STPG2: variants seen among roughly 807,000 people sequenced by gnomAD.
STPG2 encodes the protein sperm-tail PG-rich repeat-containing protein 2.
Under a neutral mutation model 54.2 loss-of-function variants are expected in STPG2, and 56 were observed. The ratio of observed to expected loss-of-function variants is 1.03; its 90% CI spans 0.83 to 1.29. STPG2 has a LOEUF of 1.29. STPG2 is among the 50% of genes most tolerant of loss of function. The pLI is 0.00. For missense variants in STPG2, 596 were observed against 544.9 expected (o/e 1.09, Z -0.93); for synonymous variants, 200 against 181.8 (o/e 1.10, Z -0.81).
Position 98,108,830 on chromosome 4 carries a change from T to C in STPG2, c.500+363A>G, listed in dbSNP as rs1250629155. 2.0e-5 allele frequency among the ~76,000 whole-genome samples: 3 copies of C among 151,912 alleles called. No homozygotes were observed. In the South Asian group the frequency reaches 6.2e-4, roughly 32 times the overall value. On this transcript the variant is annotated intron_variant, in intron 4 of 10. Transcript: ENST00000295268. Reference sequence around the variant, plus strand: ...TGTGAAGATTAAATGAGTTAATGCATATATAGTAGATAGCACAAGATTTGG... The same window carrying C: ...TGTGAAGATTAAATGAGTTAATGCACATATAGTAGATAGCACAAGATTTGG...
chr4:97,823,609 CT>C (rs1260880139), intron 9 of STPG2, among the ~76,000 whole-genome samples: 1 of 152,100 alleles, frequency 6.6e-6, no homozygotes, highest in Admixed American at 6.5e-5. Context: ...ACCTTGAATT[CT>C]TTTTTGTGTG....
chr4:97,927,767 G>A (rs113713768), intron 8 of STPG2, among the ~76,000 whole-genome samples: 1,748 of 151,904 alleles, frequency 0.012, 30 homozygotes, highest in African/African-American at 0.04. Context: ...TAAACTCTGC[G>A]CCTCCATTTC....
intron 10 of STPG2, among the ~76,000 whole-genome samples, chr4:97,679,290 G>T (rs1269521935): frequency 3.3e-5 from 5 of 151,940 alleles, no homozygotes; most frequent in African/African-American, 1.2e-4. Flanking sequence ...AGCACCTGTT[G>T]TTTCCTGACT....
chr4:97,974,557 G>A (rs1734440725), intron 6 of STPG2, among the ~76,000 whole-genome samples: 2 of 152,174 alleles, frequency 1.3e-5, no homozygotes, highest in African/African-American at 4.8e-5. Flanking sequence ...TGTCTTGGGA[G>A]GAACCTGGTG....
At chr4:97,643,846 T>G (rs2148947553) in intron 10 of STPG2, among the ~76,000 whole-genome samples, 1 of 151,976 alleles carries the variant, frequency 6.6e-6, no homozygotes, top group African/African-American at 2.4e-5. Context: ...ATTCACCTTA[T>G]TTTTGGGCAT....
intron 4 of STPG2, among the ~76,000 whole-genome samples, chr4:97,464,498 C>A (rs1488360445): frequency 1.3e-5 from 2 of 152,062 alleles, no homozygotes; most frequent in Non-Finnish European, 2.9e-5. Context: ...CTCACTAAAA[C>A]CTCTTCCTCC....
At chr4:97,621,923 T>C (rs1428448156) in intron 10 of STPG2, among the ~76,000 whole-genome samples, 2 of 152,280 alleles carry the variant, frequency 1.3e-5, no homozygotes, top group East Asian at 3.9e-4. Context: ...AAAAAACTAA[T>C]CCACCATATC....
intron 9 of STPG2, among the ~76,000 whole-genome samples, chr4:97,780,844 G>C (rs537627069): frequency 0.017 from 2,533 of 151,620 alleles, 64 homozygotes; most frequent in African/African-American, 0.058. Context: ...GGGTACATAA[G>C]GAAATGAAGG....
chr4:97,933,960 G>T (rs1345485341), intron 8 of STPG2, among the ~76,000 whole-genome samples: 5 of 152,186 alleles, frequency 3.3e-5, no homozygotes. Flanking sequence ...TGGGCAGTAT[G>T]CCTGTTTTCA....
At chr4:97,965,399 C>A (rs1369647103) in intron 7 of STPG2, among the ~76,000 whole-genome samples, 3 of 152,250 alleles carry the variant, frequency 2.0e-5, no homozygotes, top group East Asian at 1.9e-4. Context: ...ATAGACTCCA[C>A]TTTGGTGGGC....
chr4:98,018,126 T>G (rs1027084679), intron 5 of STPG2, among the ~76,000 whole-genome samples: 3 of 152,128 alleles, frequency 2.0e-5, no homozygotes, highest in Admixed American at 1.3e-4. Context: ...CAATAACTCA[T>G]CATTTAGCAT....
At position 98,017,132 on chromosome 4, in the gene STPG2, G is replaced by A. The variant is rs188554630; in HGVS notation, c.613-35814C>T. ...TTGGACCTGGAGCCTGAATCTGCAA[G>A]GGCCAGACTGGTACCTCAGTCTACT... On this transcript the variant is annotated intron_variant, in intron 5 of 10. Coordinates refer to ENST00000295268, the MANE Select transcript of STPG2 (RefSeq NM_174952.3). 4.2e-3 allele frequency among the ~76,000 whole-genome samples: 647 copies of A among 152,354 alleles called. 3 individuals carry two copies. Among genetic ancestry groups the A allele is most frequent in the South Asian group, 0.024 (118 of 4,830 alleles).
chr4:97,713,762 G>A (rs1724204237), intron 9 of STPG2, among the ~76,000 whole-genome samples: 1 of 152,146 alleles, frequency 6.6e-6, no homozygotes, highest in Admixed American at 6.6e-5. Context: ...TAGGTCCTTG[G>A]CCCAGGGTAC....
chr4:97,823,949 GA>G (rs1206020426), intron 9 of STPG2, among the ~76,000 whole-genome samples: 1 of 152,154 alleles, frequency 6.6e-6, no homozygotes, highest in Non-Finnish European at 1.5e-5. Context: ...AGATTTAGGG[GA>G]TGAGAGGCCC....
In STPG2 at chr4:97,547,178, A is replaced by G. The variant is rs1440046873; in HGVS notation, c.462+165521T>C. Reference sequence around the variant, plus strand: ...AAGGCCCAGTCATCATGCCATAATAAGGAGTTGGACGTTATTGTGAGAAAG... The same window carrying G: ...AAGGCCCAGTCATCATGCCATAATAGGGAGTTGGACGTTATTGTGAGAAAG... On this transcript the variant is annotated intron_variant, in intron 4 of 4. Transcript: ENST00000522676. Among the ~76,000 whole-genome samples, 8 of 152,078 alleles carry G rather than the reference A, an allele frequency of 5.3e-5. 1 individual carries two copies. Among genetic ancestry groups the G allele is most frequent in the Admixed American group, 5.2e-4 (8 of 15,270 alleles).
chr4:98,008,304 TAA>T lies in STPG2; in HGVS notation c.613-26988_613-26987del, dbSNP rs34947608. 7.4e-5 allele frequency among the ~76,000 whole-genome samples: 11 copies of T among 149,554 alleles called. No homozygotes were observed. The East Asian group carries it at 2.0e-3, about 27-fold the overall frequency. Reference sequence around the variant, plus strand: ...GAACTTATTTTCAGAATTCTGAAATTAAAAAAAAAAGCTATCAAGCATAAATT... The same window carrying T: ...GAACTTATTTTCAGAATTCTGAAATTAAAAAAAAGCTATCAAGCATAAATT... On this transcript the variant is annotated intron_variant, in intron 5 of 10. Coordinates refer to ENST00000295268, the MANE Select transcript of STPG2 (RefSeq NM_174952.3).
chr4:98,106,182 G>C, intron 4 of STPG2, 118 bp from the exon 5 acceptor site: 1 of 728,282 alleles, frequency 1.4e-6, no homozygotes, highest in African/African-American at 1.9e-5. Context: ...GGAATAATAA[G>C]ATTATCTAGG....
In STPG2 at chr4:97,713,406, T is replaced by C. The variant is rs979855632; in HGVS notation, c.1205-592A>G. ...TTACAGAAGTGACCAGAGGATAATT[T>C]GTAGGTAAAGCCCAAGTTGAAAAGG... is the stretch of plus-strand genomic sequence containing the variant. On this transcript the variant is annotated intron_variant, in intron 9 of 10. Coordinates refer to ENST00000295268, the MANE Select transcript of STPG2 (RefSeq NM_174952.3). Among the ~76,000 whole-genome samples the C allele has an allele frequency of 2.3e-4, 35 of 152,320 alleles. 1 individual carries two copies. The highest frequency in any genetic ancestry group is 7.5e-4 in the African/African-American group (31 of 41,580).
intron 8 of STPG2, among the ~76,000 whole-genome samples, chr4:97,866,420 TC>T (rs1729782590): frequency 6.6e-6 from 1 of 151,924 alleles, no homozygotes; most frequent in Non-Finnish European, 1.5e-5. Flanking sequence ...TAAAAGAAAA[TC>T]ATTTATCCTT....
Sources: gnomAD v4.1 joint callset for allele counts (sites outside exome capture counted in the v4.1 genomes callset) on GRCh38, gnomAD v4.1.1 for gene constraint, MANE v1.5 for transcripts, NCBI Gene and HGNC (gene_info 2026-07-23, HGNC 2026-07-21) for gene names.